The following YWHAE variants were observed in gnomAD, a reference collection of about 807,000 sequenced individuals.
YWHAE encodes the protein 14-3-3 protein epsilon.
A neutral mutation model predicts 30.1 loss-of-function variants in YWHAE; 4 were observed. The observed-to-expected ratio is 0.13, with a 90% CI of 0.07 to 0.30. YWHAE has a LOEUF of 0.30. Ranked by LOEUF, YWHAE falls within the 10% of genes least tolerant of loss-of-function variation. The pLI, the probability that YWHAE is intolerant of heterozygous loss-of-function variation, is 1.00. For missense variants in YWHAE, 121 were observed against 315.9 expected (o/e 0.38, Z 4.68); for synonymous variants, 118 against 111.8 (o/e 1.06, Z -0.35).
At chr17:1,391,070 G>T (rs1318788673) in intron 1 of YWHAE, among the ~76,000 whole-genome samples, 1 of 151,630 alleles carries the variant, frequency 6.6e-6, no homozygotes, top group East Asian at 1.9e-4. Flanking sequence ...CAACACCTAG[G>T]TCTATTATAT....
intron 1 of YWHAE, among the ~76,000 whole-genome samples, chr17:1,380,715 T>TA (rs2073193879): frequency 1.3e-5 from 2 of 152,306 alleles, no homozygotes; most frequent in African/African-American, 4.8e-5. Context: ...CTAAGTCTAA[T>TA]AAAGCCTTTT....
intron 1 of YWHAE, among the ~76,000 whole-genome samples, chr17:1,383,802 C>T (rs1291394492): frequency 2.0e-5 from 3 of 152,204 alleles, no homozygotes; most frequent in East Asian, 1.9e-4. Flanking sequence ...AGAGTATTCC[C>T]GCAATCTCCG....
At chr17:1,346,873 C>A (rs2072527919) in intron 5 of YWHAE, among the ~76,000 whole-genome samples, 1 of 151,364 alleles carries the variant, frequency 6.6e-6, no homozygotes, top group South Asian at 2.1e-4. Context: ...TGCCTGTAAT[C>A]CCAGCTACCT....
At chr17:1,396,132 G>C (rs1323272464) in intron 1 of YWHAE, among the ~76,000 whole-genome samples, 1 of 151,456 alleles carries the variant, frequency 6.6e-6, no homozygotes, top group African/African-American at 2.4e-5. Context: ...AAAAAAGACA[G>C]CTCTTGACCA....
intron 2 of YWHAE, among the ~76,000 whole-genome samples, chr17:1,364,258 GCT>G (rs1303742145): frequency 6.7e-6 from 1 of 149,224 alleles, no homozygotes; most frequent in Non-Finnish European, 1.5e-5. Context: ...GGAGTCTCGC[GCT>G]CTGTCACCCA....
chr17:1,353,489 G>A (rs770361914), intron 5 of YWHAE, among the ~76,000 whole-genome samples: 2 of 149,684 alleles, frequency 1.3e-5, no homozygotes, highest in Non-Finnish European at 3.0e-5. Context: ...ACAGCAGGGC[G>A]CAGTGGCTAA....
chr17:1,373,153 G>C (rs1044155529), intron 1 of YWHAE, among the ~76,000 whole-genome samples: 3 of 152,032 alleles, frequency 2.0e-5, no homozygotes, highest in Admixed American at 2.0e-4. Context: ...TGAGGCAGGA[G>C]AATCGCTTGA....
At chr17:1,392,861 A>C (rs1409366385) in intron 1 of YWHAE, among the ~76,000 whole-genome samples, 3 of 151,886 alleles carry the variant, frequency 2.0e-5, no homozygotes, top group Non-Finnish European at 4.4e-5. Flanking sequence ...AAAAAAAAAA[A>C]AAAGTTGTAT....
chr17:1,378,532 G>A (rs1322277452), intron 1 of YWHAE, among the ~76,000 whole-genome samples: 1 of 152,144 alleles, frequency 6.6e-6, no homozygotes, highest in African/African-American at 2.4e-5. Context: ...CGATTATCAC[G>A]CACCTTCTCT....
chr17:1,373,040 G>A (rs2073064913), intron 1 of YWHAE, among the ~76,000 whole-genome samples: 1 of 151,674 alleles, frequency 6.6e-6, no homozygotes, highest in Non-Finnish European at 1.5e-5. Flanking sequence ...TCGGGAGTTC[G>A]AGACCACCTG....
At chr17:1,372,715 G>A (rs1283737472) in intron 1 of YWHAE, among the ~76,000 whole-genome samples, 1 of 152,194 alleles carries the variant, frequency 6.6e-6, no homozygotes. Flanking sequence ...TACTTTGGGA[G>A]GCCGAAGGCA....
At chr17:1,353,200 A>G (rs1042358978) in intron 5 of YWHAE, among the ~76,000 whole-genome samples, 44 of 152,132 alleles carry the variant, frequency 2.9e-4, no homozygotes, top group Non-Finnish European at 5.9e-4. Flanking sequence ...GCACTTTGGG[A>G]GGCCGAGGCG....
intron 1 of YWHAE, among the ~76,000 whole-genome samples, chr17:1,385,825 T>A (rs954683228): frequency 2.6e-5 from 4 of 152,012 alleles, no homozygotes; most frequent in Non-Finnish European, 5.9e-5. Flanking sequence ...ACTGCTATAA[T>A]CCCAGCACTT....
At chr17:1,366,665 G>A (rs766886399) in intron 1 of YWHAE, among the ~76,000 whole-genome samples, 8 of 151,972 alleles carry the variant, frequency 5.3e-5, no homozygotes, top group African/African-American at 9.7e-5. Context: ...TAAATTGGAC[G>A]GGCACGGTGG....
rs200602014 is a variant in YWHAE, at chr17:1,389,525, TTTTC to T, written c.64+10518_64+10521del. Among the ~76,000 whole-genome samples the T allele has an allele frequency of 3.1e-3, 477 of 151,764 alleles. 4 individuals carry two copies. Among genetic ancestry groups the T allele is most frequent in the African/African-American group, 0.011 (447 of 41,340 alleles). On this transcript the variant is annotated intron_variant, in intron 1 of 5. Transcript: ENST00000264335. ...TGCGAACATTTAACAATGATTTACG[TTTTC>T]TTTCTTTTTTTTTTTTTTTGAGATG...
intron 4 of YWHAE, among the ~76,000 whole-genome samples, chr17:1,355,194 T>C (rs1186201778): frequency 9.0e-6 from 1 of 110,936 alleles, no homozygotes; most frequent in African/African-American, 3.6e-5. Flanking sequence ...TCTCGCTCTA[T>C]CACCCAGGCT....
At chr17:1,383,194 T>C (rs1052779947) in intron 1 of YWHAE, among the ~76,000 whole-genome samples, 1 of 150,778 alleles carries the variant, frequency 6.6e-6, no homozygotes, top group Non-Finnish European at 1.5e-5. Context: ...CTACTAAAAA[T>C]ACAAAATTAG....
At chr17:1,354,412 C>T in intron 4 of YWHAE, 65 bp from the exon 5 acceptor site, 1 of 1,492,446 alleles carries the variant, frequency 6.7e-7, no homozygotes. Context: ...AAATGACATG[C>T]TAGACAGCAA....
chr17:1,351,538 A>G (rs1717867707), intron 5 of YWHAE, among the ~76,000 whole-genome samples: 1 of 152,082 alleles, frequency 6.6e-6, no homozygotes, highest in Non-Finnish European at 1.5e-5. Flanking sequence ...CTTTCCCTCC[A>G]TCAACAGGCA....
Sources: allele counts gnomAD v4.1 joint callset (sites outside exome capture counted in the v4.1 genomes callset), GRCh38; gene constraint gnomAD v4.1.1; transcripts MANE v1.5; gene names NCBI Gene and HGNC (gene_info 2026-07-23, HGNC 2026-07-21).